The following SLC35F2 variants were observed in gnomAD, a reference collection of about 807,000 sequenced individuals.
SLC35F2 encodes solute carrier family 35 member F2.
In SLC35F2, 25 loss-of-function variants were observed where a neutral mutation model predicts 38.1. The observed-to-expected ratio is 0.66, with a 90% confidence interval of 0.48 to 0.92. The LOEUF is 0.92. Among genes scored for constraint, SLC35F2 ranks in the 40% least tolerant of loss-of-function variants. SLC35F2 has a pLI of 0.00. For missense variants in SLC35F2, 409 were observed against 452.9 expected (o/e 0.90, Z 0.88); for synonymous variants, 173 against 181.7 (o/e 0.95, Z 0.38).
At chr11:107,828,144 A>C (rs1251542059) in intron 1 of SLC35F2, among the ~76,000 whole-genome samples, 1 of 152,228 alleles carries the variant, frequency 6.6e-6, no homozygotes, top group African/African-American at 2.4e-5. Flanking sequence ...CCATGAGTTA[A>C]TAGCAATACT....
At chr11:107,815,567 C>CA (rs1285071189) in intron 2 of SLC35F2, among the ~76,000 whole-genome samples, 2 of 149,960 alleles carry the variant, frequency 1.3e-5, no homozygotes, top group East Asian at 2.0e-4. Context: ...CAAAAACAAA[C>CA]AACAACAACA....
chr11:107,828,156 G>C (rs1346245920), intron 1 of SLC35F2, among the ~76,000 whole-genome samples: 1 of 152,202 alleles, frequency 6.6e-6, no homozygotes, highest in Non-Finnish European at 1.5e-5. Context: ...AGCAATACTG[G>C]CTGGGCACAG....
At chr11:107,810,273 A>G in intron 3 of SLC35F2, 1 of 985,428 alleles carries the variant, frequency 1.0e-6, no homozygotes, top group Non-Finnish European at 1.2e-6. Flanking sequence ...GGCTAGCGTG[A>G]AAGAAATTGT....
chr11:107,798,282 G>A (rs146665597), intron 7 of SLC35F2, among the ~76,000 whole-genome samples: 29 of 152,308 alleles, frequency 1.9e-4, no homozygotes, highest in African/African-American at 6.7e-4. Context: ...GGGATTACAG[G>A]TGTGAGCCAC....
intron 1 of SLC35F2, among the ~76,000 whole-genome samples, chr11:107,819,449 T>C (rs1411508796): frequency 6.6e-6 from 1 of 152,168 alleles, no homozygotes; most frequent in Non-Finnish European, 1.5e-5. Context: ...ACAGGTAGCA[T>C]TCTTTCTAAG....
chr11:107,843,869 ATAT>A (rs1258050878), intron 1 of SLC35F2, among the ~76,000 whole-genome samples: 5 of 37,654 alleles, frequency 1.3e-4, no homozygotes, highest in African/African-American at 5.5e-4. Context: ...AAAAAAAAAA[ATAT>A]ATATATATAT....
intron 1 of SLC35F2, among the ~76,000 whole-genome samples, chr11:107,818,122 A>AAGAAAGAAAGAG (rs1859612839): frequency 6.7e-6 from 1 of 149,536 alleles, no homozygotes; most frequent in African/African-American, 2.5e-5. Flanking sequence ...GAAAGAAAGA[A>AAGAAAGAAAGAG]AGAAAGAAAG....
intron 3 of SLC35F2, among the ~76,000 whole-genome samples, chr11:107,809,090 A>G (rs1859441452): frequency 6.6e-6 from 1 of 152,176 alleles, no homozygotes; most frequent in African/African-American, 2.4e-5. Flanking sequence ...AAATAAAAAG[A>G]TCAGACGAAA....
At chr11:107,808,826 C>T (rs1288193907) in intron 3 of SLC35F2, among the ~76,000 whole-genome samples, 2 of 152,162 alleles carry the variant, frequency 1.3e-5, no homozygotes, top group Non-Finnish European at 2.9e-5. Flanking sequence ...CAGAATCCAG[C>T]CATAACGGCT....
intron 1 of SLC35F2, among the ~76,000 whole-genome samples, chr11:107,853,667 CCGAGAT>C (rs1860226799): frequency 6.8e-6 from 1 of 147,606 alleles, no homozygotes; most frequent in Non-Finnish European, 1.5e-5. Context: ...TTGCAGTGAG[CCGAGAT>C]CGCGCCACTG....
chr11:107,850,184 G>A (rs1860156186), intron 1 of SLC35F2, among the ~76,000 whole-genome samples: 1 of 152,130 alleles, frequency 6.6e-6, no homozygotes, highest in Admixed American at 6.6e-5. Context: ...TCTACCTAGA[G>A]GGACTCAGAC....
chr11:107,838,615 T>G (rs9737154), intron 1 of SLC35F2, among the ~76,000 whole-genome samples: 84,979 of 138,986 alleles, frequency 0.61, 27,078 homozygotes, highest in African/African-American at 0.88. Context: ...GTGAGCCACT[T>G]TGCCCGGCCC....
chr11:107,810,244 T>C (rs1400585721), intron 3 of SLC35F2: 2 of 985,282 alleles, frequency 2.0e-6, no homozygotes, highest in Non-Finnish European at 2.4e-6. Flanking sequence ...GGCAACCAAA[T>C]GCTTAGGTTT....
intron 1 of SLC35F2, among the ~76,000 whole-genome samples, chr11:107,826,436 G>A (rs1392705402): frequency 6.6e-6 from 1 of 152,122 alleles, no homozygotes; most frequent in Non-Finnish European, 1.5e-5. Context: ...TAGAGATAGG[G>A]TTTCTCCATG....
intron 1 of SLC35F2, among the ~76,000 whole-genome samples, chr11:107,844,997 A>G (rs1860082943): frequency 1.3e-5 from 2 of 150,614 alleles, no homozygotes; most frequent in Non-Finnish European, 3.0e-5. Flanking sequence ...AAAAAAAAAG[A>G]ATTACATGAG....
At chr11:107,854,379 G>T (rs909587538) in intron 1 of SLC35F2, among the ~76,000 whole-genome samples, 10 of 151,970 alleles carry the variant, frequency 6.6e-5, no homozygotes, top group African/African-American at 2.4e-4. Flanking sequence ...GCTGCAGTAA[G>T]CCATGATCAG....
chr11:107,833,685 C>T (rs148470794), intron 1 of SLC35F2, among the ~76,000 whole-genome samples: 2 of 152,026 alleles, frequency 1.3e-5, no homozygotes, highest in African/African-American at 2.4e-5. Flanking sequence ...TACACCCAGG[C>T]GAGTTAGAGA....
rs921146079 is a variant in SLC35F2, at chr11:107,792,352, G to A, written c.*263C>T. On this transcript the variant is annotated 3_prime_UTR_variant, in exon 8 of 8. Transcript: ENST00000525815. ...TCCCACTGGTGCCTCTAAGACCCCA[G>A]TGTGGAGTCTGCACCTCATCTCCTC... The A allele has an allele frequency of 1.5e-5, 5 of 332,668 alleles. No homozygotes were observed. The highest frequency in any genetic ancestry group is 2.7e-5 in the Non-Finnish European group (5 of 183,560). The allele number at this position is 332,668 out of a possible 1,614,324, so 20.6% of individuals were successfully genotyped here. A position where few individuals can be genotyped will look rare whatever the true frequency, so the allele number is the denominator to read the frequency against.
rs1276109064 is a variant in SLC35F2, at chr11:107,815,864, G to A, written c.212C>T (p.Thr71Ile). The A allele has an allele frequency of 1.9e-6, 3 of 1,614,070 alleles. No homozygotes were observed. Among genetic ancestry groups the A allele is most frequent in the Admixed American group, 3.3e-5 (2 of 59,980 alleles). ...ATTGATAAAGCTCTGAAGCATGGGG[G>A]TGTTCACTTTGTATCTTTCTGCCAA... ...QYLAERYKVN[T>I]PMLQSFINYC... Residue 71 changes from threonine to isoleucine, a missense_variant, in exon 2 of 8, where the codon ACC becomes ATC. Coordinates refer to ENST00000525815, the MANE Select transcript of SLC35F2 (RefSeq NM_017515.5).
Sources: allele counts gnomAD v4.1 joint callset (sites outside exome capture counted in the v4.1 genomes callset), GRCh38; gene constraint gnomAD v4.1.1; transcripts MANE v1.5; gene names NCBI Gene and HGNC (gene_info 2026-07-23, HGNC 2026-07-21).